DAPK1: variants seen among roughly 807,000 people sequenced by gnomAD.
DAPK1 encodes the protein death associated protein kinase 1, also known as death-associated protein kinase 1.
Under a neutral mutation model 144.9 loss-of-function variants are expected in DAPK1, and 56 were observed. The observed-to-expected ratio is 0.39, with a 90% CI of 0.31 to 0.48. The LOEUF is 0.48. Ranked by LOEUF, DAPK1 falls within the 20% of genes least tolerant of loss-of-function variation. DAPK1 has a pLI of 0.95. For synonymous variants in DAPK1, 690 were observed against 749.0 expected, an observed-to-expected ratio of 0.92 and a Z score of 1.29; for missense variants, 1,454 against 1,875.4, an observed-to-expected ratio of 0.78 and a Z score of 4.15.
intron 2 of DAPK1, among the ~76,000 whole-genome samples, chr9:87,569,465 T>A (rs1464576034): frequency 6.6e-6 from 1 of 152,218 alleles, no homozygotes; most frequent in Non-Finnish European, 1.5e-5. Context: ...CGCAGATAGG[T>A]TATTTCAATT....
rs1267874802 is a variant in DAPK1, at chr9:87,497,970, C to G, written c.-246C>G. The G allele has an allele frequency of 5.0e-6, 2 of 396,918 alleles. No individual in the cohort carries two copies. Among genetic ancestry groups the G allele is most frequent in the African/African-American group, 4.1e-5 (2 of 48,572 alleles). 24.6% of individuals were successfully genotyped at this position (396,918 alleles called of 1,614,324 possible). ...TCGCAGCGGCAGGGTCTGGGGCCGG[C>G]GCCTGGGAGGGATCTGCGCCCCCCA... On this transcript the variant is annotated 5_prime_UTR_variant, in exon 1 of 26. Transcript: ENST00000408954.
chr9:87,635,374 T>C (rs1195575290), intron 3 of DAPK1, among the ~76,000 whole-genome samples: 1 of 152,038 alleles, frequency 6.6e-6, no homozygotes, highest in Non-Finnish European at 1.5e-5. Flanking sequence ...CTCTGTACTC[T>C]AAGACAACAC....
chr9:87,685,815 T>C (rs1824822566), intron 20 of DAPK1, among the ~76,000 whole-genome samples: 1 of 152,222 alleles, frequency 6.6e-6, no homozygotes. Context: ...CTATCATAAA[T>C]GGGAACCCAG....
At chr9:87,654,319 C>A (rs1830559464) in intron 17 of DAPK1, among the ~76,000 whole-genome samples, 1 of 152,098 alleles carries the variant, frequency 6.6e-6, no homozygotes, top group African/African-American at 2.4e-5. Flanking sequence ...GAAGTCCAAG[C>A]ACAATTAATT....
chr9:87,649,846 G>T, intron 15 of DAPK1, 75 bp from the exon 16 acceptor site: 1 of 1,474,984 alleles, frequency 6.8e-7, no homozygotes, highest in East Asian at 2.3e-5. Context: ...AATTTGACAG[G>T]GACTCTCACC....
At chr9:87,688,425 G>A (rs145084975) in intron 21 of DAPK1, among the ~76,000 whole-genome samples, 16 of 152,226 alleles carry the variant, frequency 1.1e-4, no homozygotes, top group African/African-American at 3.4e-4. Context: ...TCTTTTTGGT[G>A]GAACAATTTG....
chr9:87,651,594 G>T lies in DAPK1; in HGVS notation c.1694G>T (p.Ser565Ile), dbSNP rs560950064. 3.0e-4 allele frequency: 482 copies of T among 1,614,166 alleles called. No homozygotes were observed. The highest frequency in any genetic ancestry group is 3.8e-4 in the Non-Finnish European group (444 of 1,180,024). The change falls in exon 17 of 26, where the codon AGC becomes ATC. Residue 565 changes from serine (S) to isoleucine (I), a missense_variant. Physicochemically the swap from Ser to Ile is moderately radical, Grantham distance 142. Coordinates refer to ENST00000408954, the MANE Select transcript of DAPK1 (RefSeq NM_004938.4). ...ATGGAGGTAATCAAGACTCTCCTCA[G>T]CCAAGGGTGTTTCGTCGATTATCAA... ...CQMEVIKTLL[S>I]QGCFVDYQDR...
At chr9:87,524,756 G>A (rs1825425585) in intron 2 of DAPK1, among the ~76,000 whole-genome samples, 1 of 152,198 alleles carries the variant, frequency 6.6e-6, no homozygotes, top group South Asian at 2.1e-4. Context: ...CGATGAGATT[G>A]GAGACAATGA....
At position 87,707,560 on chromosome 9, in the gene DAPK1, T is replaced by A; in HGVS notation, c.*196T>A. On this transcript the variant is annotated 3_prime_UTR_variant, in exon 26 of 26. Transcript: ENST00000408954. The surrounding 1 kb of genome is among the most constrained non-coding windows in gnomAD (Gnocchi z 4.0). ...GTCTCATTCCGTTGTCTGTGGATGG[T>A]CATTGCAGTTTAAGAGCAGAACAGA... The A allele has an allele frequency of 1.7e-6, 1 of 592,548 alleles. No individual in the cohort carries two copies. The highest frequency in any genetic ancestry group is 3.0e-6 in the Non-Finnish European group (1 of 333,902). 36.7% of individuals were successfully genotyped at this position (592,548 alleles called of 1,614,324 possible). A position where few individuals can be genotyped will look rare whatever the true frequency, so the allele number is the denominator to read the frequency against.
intron 2 of DAPK1, among the ~76,000 whole-genome samples, chr9:87,536,034 G>A (rs540028751): frequency 2.0e-5 from 3 of 152,240 alleles, no homozygotes; most frequent in East Asian, 1.9e-4. Flanking sequence ...AGCCTCTTCC[G>A]CCTCCCAAGT....
At chr9:87,661,323 T>G (rs1830839261) in intron 18 of DAPK1, among the ~76,000 whole-genome samples, 1 of 152,250 alleles carries the variant, frequency 6.6e-6, no homozygotes, top group Non-Finnish European at 1.5e-5. Context: ...TTCAGGTAGA[T>G]ACCCAGTAGT....
chr9:87,586,195 G>A (rs1827937225), intron 2 of DAPK1, among the ~76,000 whole-genome samples: 1 of 152,132 alleles, frequency 6.6e-6, no homozygotes, highest in East Asian at 1.9e-4. Context: ...GGCTGAGGTG[G>A]GAGGATTACT....
chr9:87,677,325 G>T (rs1403167985), intron 19 of DAPK1, among the ~76,000 whole-genome samples: 2 of 152,176 alleles, frequency 1.3e-5, no homozygotes, highest in Non-Finnish European at 2.9e-5. Flanking sequence ...TCAGCCTGCA[G>T]GTTCAGTCGC....
chr9:87,552,099 T>C (rs548487695), intron 2 of DAPK1, among the ~76,000 whole-genome samples: 137 of 152,148 alleles, frequency 9.0e-4, no homozygotes, highest in Middle Eastern at 6.8e-3. Context: ...GTTGGAAACA[T>C]GAGACTGTGC....
At chr9:87,548,314 G>A (rs1826338503) in intron 2 of DAPK1, among the ~76,000 whole-genome samples, 1 of 152,084 alleles carries the variant, frequency 6.6e-6, no homozygotes, top group Non-Finnish European at 1.5e-5. Flanking sequence ...TAGACCCCTG[G>A]TTTTCCCCCT....
intron 3 of DAPK1, among the ~76,000 whole-genome samples, chr9:87,630,510 G>A (rs1386385198): frequency 1.3e-5 from 2 of 152,106 alleles, no homozygotes; most frequent in African/African-American, 2.4e-5. Context: ...TCCTGTGCTG[G>A]GTCACCTGTG....
At chr9:87,643,242 A>G in intron 10 of DAPK1, 134 bp from the exon 11 acceptor site, 1 of 586,416 alleles carries the variant, frequency 1.7e-6, no homozygotes, top group Non-Finnish European at 3.0e-6. Context: ...GTGTGCTGAT[A>G]GCAATGAACA....
intron 2 of DAPK1, among the ~76,000 whole-genome samples, chr9:87,505,793 G>A (rs564887166): frequency 6.6e-6 from 1 of 152,314 alleles, no homozygotes; most frequent in African/African-American, 2.4e-5. Flanking sequence ...CAGTTCAAGT[G>A]ATTCTCTGTC....
chr9:87,541,583 T>C (rs1238298474), intron 2 of DAPK1, among the ~76,000 whole-genome samples: 1 of 151,376 alleles, frequency 6.6e-6, no homozygotes, highest in Non-Finnish European at 1.5e-5. Flanking sequence ...AGAAAGACTT[T>C]ATAGGCTGTT....
Sources: gnomAD v4.1 joint callset for allele counts (sites outside exome capture counted in the v4.1 genomes callset) on GRCh38, gnomAD v4.1.1 for gene constraint, Gnocchi (gnomAD v3.1) non-coding constraint, MANE v1.5 for transcripts, NCBI Gene and HGNC (gene_info 2026-07-23, HGNC 2026-07-21) for gene names.